NR2C1: variants seen among roughly 807,000 people sequenced by gnomAD.
The protein encoded by NR2C1 is TR2 nuclear hormone receptor.
In NR2C1, 33 loss-of-function variants were observed where a neutral mutation model predicts 74.8. The ratio of observed to expected loss-of-function variants is 0.44; its 90% CI spans 0.33 to 0.59. The LOEUF (loss-of-function observed/expected upper bound fraction) is 0.59, where lower values mean the gene tolerates loss of function less well. NR2C1 is among the 20% of genes least tolerant of loss of function. The pLI, the probability that NR2C1 is intolerant of heterozygous loss-of-function variation, is 0.02. For missense variants in NR2C1, 568 were observed against 715.6 expected (o/e 0.79, Z 2.35); for synonymous variants, 225 against 240.6 (o/e 0.94, Z 0.60).
chr12:95,059,836 T>G, intron 4 of NR2C1, 70 bp downstream of exon 4: 1 of 1,109,318 alleles, frequency 9.0e-7, no homozygotes, highest in Non-Finnish European at 1.3e-6. Flanking sequence ...GTGGTAGTTA[T>G]TTCAACAACA....
intron 1 of NR2C1, among the ~76,000 whole-genome samples, chr12:95,067,656 T>C (rs1166251417): frequency 6.6e-6 from 1 of 151,712 alleles, no homozygotes; most frequent in Non-Finnish European, 1.5e-5. Flanking sequence ...CTCAACCTCC[T>C]GGGCTCAAGT....
At chr12:95,038,618 C>A (rs1475299736) in intron 10 of NR2C1, among the ~76,000 whole-genome samples, 1 of 152,136 alleles carries the variant, frequency 6.6e-6, no homozygotes, top group East Asian at 1.9e-4. Context: ...ATTAGCTGGG[C>A]TTGGTGGTGC....
intron 3 of NR2C1, among the ~76,000 whole-genome samples, chr12:95,061,485 C>T (rs1187018554): frequency 6.6e-6 from 1 of 152,148 alleles, no homozygotes; most frequent in Non-Finnish European, 1.5e-5. Context: ...AATTAAGGTA[C>T]ATATAATGTT....
chr12:95,031,173 ATAT>A (rs1565835931), intron 11 of NR2C1, among the ~76,000 whole-genome samples, 173 bp downstream of exon 11: 3 of 152,078 alleles, frequency 2.0e-5, no homozygotes, highest in Non-Finnish European at 4.4e-5. Flanking sequence ...TATTTAAAAA[ATAT>A]TTTTAGAGGA....
intron 7 of NR2C1, among the ~76,000 whole-genome samples, chr12:95,052,662 A>G (rs1045618217): frequency 1.3e-5 from 2 of 151,858 alleles, no homozygotes; most frequent in South Asian, 4.2e-4. Flanking sequence ...TGTGTTGCCC[A>G]GGCTGGTCTT....
intron 4 of NR2C1, among the ~76,000 whole-genome samples, chr12:95,059,255 T>C (rs950448646): frequency 6.6e-6 from 1 of 151,184 alleles, no homozygotes; most frequent in African/African-American, 2.4e-5. Flanking sequence ...TGAGCCGAGA[T>C]TGCACCACTG....
chr12:95,028,787 G>A (rs967184481), intron 11 of NR2C1, among the ~76,000 whole-genome samples: 8 of 151,848 alleles, frequency 5.3e-5, no homozygotes, highest in African/African-American at 1.7e-4. Context: ...ATGCCACCGC[G>A]CCCAGCTAAT....
chr12:95,039,076 A>G (rs1592741805), intron 10 of NR2C1, among the ~76,000 whole-genome samples: 1 of 152,196 alleles, frequency 6.6e-6, no homozygotes. Flanking sequence ...TCTTAAACAA[A>G]AAAAACCCCA....
intron 2 of NR2C1, among the ~76,000 whole-genome samples, chr12:95,066,741 A>T (rs1360642581): frequency 6.6e-6 from 1 of 152,220 alleles, no homozygotes; most frequent in Non-Finnish European, 1.5e-5. Context: ...GACACATTTC[A>T]TCATATAGTA....
chr12:95,043,081 C>G lies in NR2C1; in HGVS notation c.1132-2484G>C, dbSNP rs140974101. On this transcript the variant is annotated intron_variant, in intron 9 of 13. Transcript: ENST00000333003. ...AATTTTGAGACCAACCTGGGAAACA[C>G]AGTAAGACCTCATCTCTAAAAATAA... is the stretch of plus-strand genomic sequence containing the variant. Among the ~76,000 whole-genome samples the G allele has an allele frequency of 2.6e-4, 39 of 151,724 alleles. No individual in the cohort carries two copies. The East Asian group carries it at 7.6e-3, about 30-fold the overall frequency.
At chr12:95,051,142 TTAAGCATTCC>T in intron 8 of NR2C1, among the ~76,000 whole-genome samples, 1 of 152,316 alleles carries the variant, frequency 6.6e-6, no homozygotes, top group Middle Eastern at 3.4e-3. Context: ...GAAATGTAGG[TTAAGCATTCC>T]TAATACTAAA....
intron 9 of NR2C1, among the ~76,000 whole-genome samples, chr12:95,043,272 TATATC>T (rs111982656): frequency 1.1e-4 from 17 of 148,718 alleles, no homozygotes; most frequent in African/African-American, 3.2e-4. Context: ...AAAAACAAAA[TATATC>T]ATATCTTTTC....
intron 11 of NR2C1, chr12:95,030,355 T>A: frequency 4.6e-6 from 4 of 867,508 alleles, no homozygotes; most frequent in Middle Eastern, 3.6e-4. Context: ...ACTACTATAA[T>A]AAAAACAGAT....
chr12:95,033,966 G>C (rs919292735), intron 10 of NR2C1, among the ~76,000 whole-genome samples: 17 of 152,108 alleles, frequency 1.1e-4, no homozygotes, highest in African/African-American at 4.1e-4. Context: ...TAAATCTCTG[G>C]AGAGATATAA....
intron 1 of NR2C1, chr12:95,072,980 T>C (rs1306474397): frequency 6.6e-6 from 1 of 152,228 alleles, no homozygotes; most frequent in Non-Finnish European, 1.5e-5. Flanking sequence ...GCGTTAGCCG[T>C]GCGCCCTGGA....
intron 10 of NR2C1, among the ~76,000 whole-genome samples, chr12:95,039,827 A>T (rs1871289416): frequency 6.6e-6 from 1 of 152,010 alleles, no homozygotes; most frequent in African/African-American, 2.4e-5. Context: ...TTTTGTAGAG[A>T]CAGGGTTTCA....
At chr12:95,028,657 T>C in intron 11 of NR2C1, 133 bp from the exon 12 acceptor site, 3 of 650,082 alleles carry the variant, frequency 4.6e-6, no homozygotes, top group Non-Finnish European at 7.9e-6. Flanking sequence ...AGGGTTTTAC[T>C]CCTGTCGCCC....
At chr12:95,066,657 A>G (rs1415877226) in intron 2 of NR2C1, among the ~76,000 whole-genome samples, 1 of 152,184 alleles carries the variant, frequency 6.6e-6, no homozygotes, top group African/African-American at 2.4e-5. Flanking sequence ...TCACTCATGC[A>G]TAATTTTGTA....
intron 9 of NR2C1, among the ~76,000 whole-genome samples, chr12:95,048,306 T>C (rs1051092945): frequency 6.6e-6 from 1 of 152,222 alleles, no homozygotes; most frequent in Non-Finnish European, 1.5e-5. Context: ...GTTACTATGG[T>C]AAGAGCAAAC....
Sources: gnomAD v4.1 joint callset for allele counts (sites outside exome capture counted in the v4.1 genomes callset) on GRCh38, gnomAD v4.1.1 for gene constraint, MANE v1.5 for transcripts, NCBI Gene and HGNC (gene_info 2026-07-23, HGNC 2026-07-21) for gene names.